The following MAP2 variants were observed in gnomAD, a reference collection of about 807,000 sequenced individuals.
MAP2 encodes the protein microtubule-associated protein 2.
MAP2 carries 14 observed loss-of-function variants against 137.6 expected under a neutral mutation model. The observed-to-expected ratio is 0.10, with a 90% confidence interval of 0.07 to 0.16. The LOEUF (loss-of-function observed/expected upper bound fraction) is 0.16. Among genes scored for constraint, MAP2 ranks in the 10% least tolerant of loss-of-function variants. MAP2 has a pLI of 1.00. For missense variants in MAP2, 2,088 were observed against 2,191.5 expected (o/e 0.95, Z 0.94); for synonymous variants, 786 against 782.3 (o/e 1.00, Z -0.08).
intron 1 of MAP2, among the ~76,000 whole-genome samples, chr2:209,484,333 G>A (rs1314120055): frequency 1.3e-5 from 2 of 151,290 alleles, no homozygotes; most frequent in Non-Finnish European, 3.0e-5. Flanking sequence ...ATGGCGAGGC[G>A]CAGTGGCTCA....
chr2:209,546,595 A>G (rs2068121775), intron 2 of MAP2, among the ~76,000 whole-genome samples: 1 of 152,202 alleles, frequency 6.6e-6, no homozygotes. Context: ...CAAAAAGGAT[A>G]TCTATGGAAA....
At chr2:209,438,024 C>T (rs1230814751) in intron 1 of MAP2, among the ~76,000 whole-genome samples, 2 of 151,448 alleles carry the variant, frequency 1.3e-5, no homozygotes, top group Non-Finnish European at 3.0e-5. Context: ...TGCCTAGGTG[C>T]AATTGCAAGG....
intron 1 of MAP2, among the ~76,000 whole-genome samples, chr2:209,495,894 C>T (rs755121543): frequency 2.6e-5 from 4 of 152,172 alleles, no homozygotes; most frequent in Non-Finnish European, 5.9e-5. Context: ...TTTCAACTGA[C>T]ATTTATTTCT....
At chr2:209,619,899 C>T (rs1470329174) in intron 3 of MAP2, among the ~76,000 whole-genome samples, 1 of 152,102 alleles carries the variant, frequency 6.6e-6, no homozygotes, top group Non-Finnish European at 1.5e-5. Flanking sequence ...ATGTTCAGTA[C>T]AGTGGGCTGT....
chr2:209,434,831 C>A (rs1053441423), intron 1 of MAP2, among the ~76,000 whole-genome samples: 2 of 110,444 alleles, frequency 1.8e-5, no homozygotes, highest in African/African-American at 8.9e-5. Flanking sequence ...CTCTCTCTCT[C>A]TCTATATATA....
In MAP2 at chr2:209,602,840, A is replaced by G. The variant is rs144719393; in HGVS notation, c.-106-22213A>G. Among the ~76,000 whole-genome samples the G allele has an allele frequency of 2.0e-5, 3 of 152,252 alleles. No individual in the cohort carries two copies. The East Asian group carries it at 5.8e-4, about 29-fold the overall frequency. On this transcript the variant is annotated intron_variant, in intron 3 of 15. Coordinates refer to ENST00000682079, the MANE Select transcript of MAP2 (RefSeq NM_001375505.1). Reference sequence around the variant, plus strand: ...TCAATATTACACATTATAATTCTCTACCAAATCTTAAAATGGTTTCAGAGC... The same window carrying G: ...TCAATATTACACATTATAATTCTCTGCCAAATCTTAAAATGGTTTCAGAGC...
intron 14 of MAP2, among the ~76,000 whole-genome samples, chr2:209,729,616 T>C (rs1159805790): frequency 6.6e-6 from 1 of 152,218 alleles, no homozygotes; most frequent in African/African-American, 2.4e-5. Flanking sequence ...GAGAAAGGTA[T>C]TAATACGTGA....
chr2:209,500,434 C>G (rs138968779), intron 1 of MAP2, among the ~76,000 whole-genome samples: 2 of 152,204 alleles, frequency 1.3e-5, no homozygotes, highest in African/African-American at 4.8e-5. Context: ...CTGAATTGCT[C>G]TCCTTCCCAC....
intron 3 of MAP2, among the ~76,000 whole-genome samples, chr2:209,608,291 C>CTTT (rs35075084): frequency 6.8e-6 from 1 of 146,204 alleles, no homozygotes; most frequent in Non-Finnish European, 1.5e-5. Context: ...TCCTTGGAAT[C>CTTT]TTTTTTTTTT....
intron 2 of MAP2, among the ~76,000 whole-genome samples, chr2:209,531,096 A>G (rs1341092007): frequency 6.6e-6 from 1 of 152,146 alleles, no homozygotes; most frequent in Non-Finnish European, 1.5e-5. Flanking sequence ...TGCTATGTTT[A>G]ATTTCTGATT....
intron 2 of MAP2, among the ~76,000 whole-genome samples, chr2:209,568,529 A>G (rs1373672104): frequency 1.3e-5 from 2 of 151,970 alleles, no homozygotes; most frequent in Non-Finnish European, 2.9e-5. Flanking sequence ...TCTCCAATTC[A>G]GTGAAGTTGC....
At chr2:209,702,008 A>C (rs2061900208) in intron 11 of MAP2, among the ~76,000 whole-genome samples, 1 of 152,126 alleles carries the variant, frequency 6.6e-6, no homozygotes, top group South Asian at 2.1e-4. Context: ...ATGATGTTAT[A>C]AAACAGTATG....
chr2:209,495,725 C>T (rs1157475981), intron 1 of MAP2, among the ~76,000 whole-genome samples: 1 of 152,196 alleles, frequency 6.6e-6, no homozygotes, highest in African/African-American at 2.4e-5. Context: ...ATCAATAATG[C>T]ATCTGACAAA....
chr2:209,704,740 A>AT lies in MAP2; in HGVS notation c.4585-839dup. 1.6e-5 allele frequency: 14 copies of AT among 867,890 alleles called. No individual in the cohort carries two copies. In the South Asian group the frequency reaches 4.5e-4, roughly 28 times the overall value. The allele number at this position is 867,890 out of a possible 1,614,324, so 53.8% of individuals were successfully genotyped here. ...TACTTTACTCTGAAGTGTTTGACAC[A>AT]TAAACAGTAGGCCCTTTTAAAAACA... On this transcript the variant is annotated intron_variant, in intron 11 of 15. Transcript: ENST00000682079.
intron 5 of MAP2, among the ~76,000 whole-genome samples, chr2:209,672,659 T>C (rs1048171072): frequency 2.0e-5 from 3 of 151,858 alleles, no homozygotes; most frequent in Non-Finnish European, 4.4e-5. Flanking sequence ...CATAACAATG[T>C]CTAAATGGGA....
At chr2:209,529,071 G>A (rs1334218049) in intron 2 of MAP2, among the ~76,000 whole-genome samples, 1 of 151,900 alleles carries the variant, frequency 6.6e-6, no homozygotes, top group Non-Finnish European at 1.5e-5. Context: ...CTAAGAATAA[G>A]GAGGTGCTAT....
chr2:209,660,928 T>C (rs922003391), intron 5 of MAP2, among the ~76,000 whole-genome samples: 50 of 146,362 alleles, frequency 3.4e-4, no homozygotes, highest in African/African-American at 1.3e-3. Flanking sequence ...TTTTTTTTAG[T>C]AGAGACAGGG....
At chr2:209,575,462 A>C (rs1217867428) in intron 2 of MAP2, among the ~76,000 whole-genome samples, 1 of 135,392 alleles carries the variant, frequency 7.4e-6, no homozygotes, top group Non-Finnish European at 1.5e-5. Flanking sequence ...TGGAGCTTGC[A>C]GTGAGCCGAG....
intron 10 of MAP2, among the ~76,000 whole-genome samples, chr2:209,698,361 A>G (rs2060836211): frequency 6.6e-6 from 1 of 152,146 alleles, no homozygotes; most frequent in African/African-American, 2.4e-5. Flanking sequence ...TTATTTTAGC[A>G]TTTATTAAGT....
Sources: allele counts gnomAD v4.1 joint callset (sites outside exome capture counted in the v4.1 genomes callset), GRCh38; gene constraint gnomAD v4.1.1; transcripts MANE v1.5; gene names NCBI Gene and HGNC (gene_info 2026-07-23, HGNC 2026-07-21).